BRAF: variants seen among roughly 807,000 people sequenced by gnomAD.
The protein encoded by BRAF is serine/threonine-protein kinase B-raf.
BRAF carries 16 observed loss-of-function variants against 104.6 expected under a neutral mutation model. That is an observed-to-expected ratio of 0.15 (90% CI 0.10 to 0.23). The LOEUF is 0.23. Among genes scored for constraint, BRAF ranks in the 10% least tolerant of loss-of-function variants. BRAF has a pLI of 1.00. For synonymous variants in BRAF, 310 were observed against 341.6 expected, an observed-to-expected ratio of 0.91 and a Z score of 1.02; for missense variants, 541 against 937.3, an observed-to-expected ratio of 0.58 and a Z score of 5.52.
At chr7:140,834,491 T>C in intron 3 of BRAF, 118 bp downstream of exon 3, 1 of 1,360,992 alleles carries the variant, frequency 7.3e-7, no homozygotes, top group South Asian at 1.2e-5. Flanking sequence ...CTGTATGACA[T>C]GGATGCCTCT....
At chr7:140,717,571 T>TAACA (rs1388977973), downstream of BRAF, among the ~76,000 whole-genome samples, 2 of 152,196 alleles carry the variant, frequency 1.3e-5, no homozygotes, top group African/African-American at 2.4e-5. Flanking sequence ...CTTTTTGCCC[T>TAACA]AACATTTTGA....
chr7:140,753,869 T>A (rs998213265), intron 15 of BRAF: 3 of 411,020 alleles, frequency 7.3e-6, no homozygotes, highest in Non-Finnish European at 1.4e-5. Flanking sequence ...CTGAGCAAGG[T>A]CAGAGGTCTG....
chr7:140,819,072 G>A (rs1216471459), intron 3 of BRAF, among the ~76,000 whole-genome samples: 1 of 152,106 alleles, frequency 6.6e-6, no homozygotes, highest in African/African-American at 2.4e-5. Flanking sequence ...TGGAGAACTT[G>A]TACATTTTCC....
Position 140,723,914 on chromosome 7 carries a change from A to G in BRAF, c.*2580T>C. 2 of 1,044,722 alleles carry G rather than the reference A, an allele frequency of 1.9e-6. No homozygotes were observed. The highest frequency in any genetic ancestry group is 2.3e-6 in the Non-Finnish European group (2 of 866,232). The allele number at this position is 1,044,722 out of a possible 1,614,324, so 64.7% of individuals were successfully genotyped here. A position where few individuals can be genotyped will look rare whatever the true frequency, so the allele number is the denominator to read the frequency against. On this transcript the variant is annotated 3_prime_UTR_variant, in exon 20 of 20. Coordinates refer to ENST00000644969, the MANE Select transcript of BRAF (RefSeq NM_001374258.1). The stretch of plus-strand genomic sequence containing the variant: ...CTAAGCATCAAAAAATAAAGCAGAT[A>G]AAACACAAATAAAACCTATTTTCAT...
chr7:140,837,673 G>C (rs1162659593), intron 2 of BRAF, among the ~76,000 whole-genome samples: 3 of 152,096 alleles, frequency 2.0e-5, no homozygotes, highest in Non-Finnish European at 4.4e-5. Context: ...AGATTTGCCT[G>C]GTCCTTCACA....
chr7:140,920,857 C>A (rs1183480527), intron 1 of BRAF, among the ~76,000 whole-genome samples: 1 of 152,186 alleles, frequency 6.6e-6, no homozygotes, highest in Non-Finnish European at 1.5e-5. Context: ...ACAAGGGCAC[C>A]TGTGAATATA....
At position 140,848,191 on chromosome 7, in the gene BRAF, G is replaced by T. The variant is rs139008483; in HGVS notation, c.240+1920C>A. Among the ~76,000 whole-genome samples the T allele has an allele frequency of 9.2e-5, 14 of 152,282 alleles. 1 individual carries two copies. The East Asian group carries it at 2.7e-3, about 29-fold the overall frequency. On this transcript the variant is annotated intron_variant, in intron 2 of 19. Transcript: ENST00000644969. The stretch of plus-strand genomic sequence containing the variant: ...TAGCCCAAATAAGAAAAGCTGTCTG[G>T]GGGGTGAGGGTGGGGAAAGAGCGAG...
At chr7:140,806,831 T>C (rs369685144) in intron 5 of BRAF, among the ~76,000 whole-genome samples, 1 of 152,222 alleles carries the variant, frequency 6.6e-6, no homozygotes, top group Non-Finnish European at 1.5e-5. Context: ...GATTTCATTA[T>C]TCACTACTAA....
chr7:140,759,632 T>C (rs1251972022), intron 14 of BRAF, among the ~76,000 whole-genome samples: 1 of 152,236 alleles, frequency 6.6e-6, no homozygotes, highest in Non-Finnish European at 1.5e-5. Context: ...GTGATCCATC[T>C]GCCTTGGCCT....
chr7:140,852,344 G>C (rs1276122981), intron 1 of BRAF, among the ~76,000 whole-genome samples: 2 of 151,046 alleles, frequency 1.3e-5, no homozygotes, highest in African/African-American at 4.9e-5. Flanking sequence ...ACTCCGGCCT[G>C]GGCAACATAG....
intron 19 of BRAF, chr7:140,733,915 T>A: frequency 2.5e-6 from 2 of 806,292 alleles, no homozygotes; most frequent in Non-Finnish European, 3.0e-6. Flanking sequence ...AAACTCCAAT[T>A]TATAACATTT....
chr7:140,789,222 A>C (rs980200619), intron 8 of BRAF, among the ~76,000 whole-genome samples: 1 of 151,780 alleles, frequency 6.6e-6, no homozygotes. Context: ...AAAAAAACAA[A>C]AAAAAAACTA....
chr7:140,811,885 CG>C (rs1415788091), intron 3 of BRAF, among the ~76,000 whole-genome samples: 1 of 152,106 alleles, frequency 6.6e-6, no homozygotes, highest in Admixed American at 6.5e-5. Context: ...ATAACTACTA[CG>C]AACAATGAGA....
chr7:140,817,004 G>A (rs1353582826), intron 3 of BRAF, among the ~76,000 whole-genome samples: 1 of 151,494 alleles, frequency 6.6e-6, no homozygotes, highest in Non-Finnish European at 1.5e-5. Flanking sequence ...AAATTGGAAA[G>A]AATAAGTCAA....
intron 14 of BRAF, among the ~76,000 whole-genome samples, chr7:140,769,238 A>T (rs1799612236): frequency 6.6e-6 from 1 of 152,068 alleles, no homozygotes; most frequent in African/African-American, 2.4e-5. Flanking sequence ...CACCATGCCC[A>T]GCTGATTTTT....
At chr7:140,824,081 C>G (rs1805756267) in intron 3 of BRAF, 1 of 152,124 alleles carries the variant, frequency 6.6e-6, no homozygotes, top group African/African-American at 2.4e-5. Flanking sequence ...AAATATTTTT[C>G]CCATTCCAGG....
intron 7 of BRAF, among the ~76,000 whole-genome samples, chr7:140,795,559 T>C (rs948935215): frequency 9.2e-5 from 14 of 152,034 alleles, no homozygotes; most frequent in African/African-American, 3.4e-4. Flanking sequence ...GAAAAAAATA[T>C]AGTAGGAAAG....
intron 1 of BRAF, among the ~76,000 whole-genome samples, chr7:140,886,717 AC>A (rs1228804020): frequency 6.6e-6 from 1 of 150,572 alleles, no homozygotes; most frequent in Non-Finnish European, 1.5e-5. Flanking sequence ...CTCTCACATC[AC>A]CCCCCATTTT....
chr7:140,804,415 TG>T (rs1803452120), intron 5 of BRAF, among the ~76,000 whole-genome samples: 1 of 141,464 alleles, frequency 7.1e-6, no homozygotes, highest in African/African-American at 2.6e-5. Flanking sequence ...TTGGGGGGGG[TG>T]GTTAATACTT....
Sources: gnomAD v4.1 joint callset for allele counts (sites outside exome capture counted in the v4.1 genomes callset) on GRCh38, gnomAD v4.1.1 for gene constraint, MANE v1.5 for transcripts, NCBI Gene and HGNC (gene_info 2026-07-23, HGNC 2026-07-21) for gene names.